The following KCNH7 variants were observed in gnomAD, a reference collection of about 807,000 sequenced individuals.
The protein encoded by KCNH7 is potassium voltage-gated channel subfamily H member 7.
A neutral mutation model predicts 120.8 loss-of-function variants in KCNH7; 49 were observed. That is an observed-to-expected ratio of 0.41 (90% CI 0.32 to 0.51). The LOEUF is 0.51. Among genes scored for constraint, KCNH7 ranks in the 20% least tolerant of loss-of-function variants. The pLI is 0.38. For synonymous variants in KCNH7, 547 were observed against 516.1 expected (o/e 1.06, Z -0.81); for missense variants, 1,097 against 1,446.6 (o/e 0.76, Z 3.92).
intron 5 of KCNH7, among the ~76,000 whole-genome samples, chr2:162,505,882 A>G (rs1690861147): frequency 6.6e-6 from 1 of 151,826 alleles, no homozygotes; most frequent in African/African-American, 2.4e-5. Context: ...TAAAAATTAG[A>G]CTTTAAGATT....
At chr2:162,729,161 A>ATT (rs1203109189) in intron 2 of KCNH7, among the ~76,000 whole-genome samples, 2,103 of 137,106 alleles carry the variant, frequency 0.015, 29 homozygotes, top group East Asian at 0.092. Flanking sequence ...AATATACCCA[A>ATT]ATTTTTTTTT....
chr2:162,399,809 C>G (rs1334048439), intron 10 of KCNH7, among the ~76,000 whole-genome samples: 2 of 151,808 alleles, frequency 1.3e-5, no homozygotes, highest in Non-Finnish European at 2.9e-5. Context: ...TTGGCACATG[C>G]TAGCAAGTAT....
rs755037684 is a variant in KCNH7, at chr2:162,517,744, C to T, written c.878G>A (p.Arg293Gln). The T allele has an allele frequency of 3.2e-6, 5 of 1,558,066 alleles. No homozygotes were observed. Among genetic ancestry groups the T allele is most frequent in the Non-Finnish European group, 3.5e-6 (4 of 1,145,444 alleles). Residue 293 changes from arginine (R) to glutamine (Q), a missense_variant, in exon 4 of 16, where the codon CGA becomes CAA. Around this residue, in one of 8 missense-constraint regions of KCNH7, gnomAD observed 362 missense variants for 372.2 expected, o/e 0.97. Coordinates refer to ENST00000332142, the MANE Select transcript of KCNH7 (RefSeq NM_033272.4). The stretch of plus-strand genomic sequence containing the variant: ...ATCAAACATACCTTCGCTGGCATGT[C>T]GGTCTCTAAATATGTTCTTGGGGTG... ...GVHPKNIFRD[R>Q]HASEDNGRNV...
At position 162,459,795 on chromosome 2, in the gene KCNH7, C is replaced by T. The variant is rs771670011; in HGVS notation, c.1129-13352G>A. 6.3e-4 allele frequency among the ~76,000 whole-genome samples: 96 copies of T among 152,052 alleles called. No individual in the cohort carries two copies. In the Middle Eastern group the frequency reaches 0.01, roughly 16 times the overall value. ...TTGCAAGGAAGGGTGGGGTGAATAG[C>T]GGTAAAGAAATGCAAAGAGGCCGGG... On this transcript the variant is annotated intron_variant, in intron 6 of 15. Transcript: ENST00000332142.
rs74987699 is a variant in KCNH7, at chr2:162,693,845, T to C, written c.307+142692A>G. On this transcript the variant is annotated intron_variant, in intron 2 of 15. Transcript: ENST00000332142. ...GAAACTTTCCTCATGTTAACAAATA[T>C]AGAAAAAAAGGAAGACTGGCCTCTA... Among the ~76,000 whole-genome samples, 29 of 151,828 alleles carry C rather than the reference T, an allele frequency of 1.9e-4. 1 individual carries two copies. In the East Asian group the frequency reaches 5.0e-3, roughly 26 times the overall value.
intron 9 of KCNH7, among the ~76,000 whole-genome samples, chr2:162,419,519 G>A (rs1272372712): frequency 2.0e-5 from 3 of 152,062 alleles, no homozygotes; most frequent in African/African-American, 7.2e-5. Flanking sequence ...TTGTCCAAGA[G>A]TAGTGGCAGA....
intron 6 of KCNH7, among the ~76,000 whole-genome samples, chr2:162,472,172 G>A (rs925060081): frequency 1.2e-4 from 19 of 152,192 alleles, no homozygotes; most frequent in Non-Finnish European, 2.2e-4. Flanking sequence ...CAGGACATAC[G>A]CATGGGCAAG....
At chr2:162,830,923 C>G (rs572586460) in intron 2 of KCNH7, among the ~76,000 whole-genome samples, 1 of 152,084 alleles carries the variant, frequency 6.6e-6, no homozygotes, top group African/African-American at 2.4e-5. Context: ...TATAAGTTAC[C>G]CGCTCTAAGG....
intron 2 of KCNH7, among the ~76,000 whole-genome samples, chr2:162,697,788 C>G (rs1686345979): frequency 6.6e-6 from 1 of 152,002 alleles, no homozygotes; most frequent in South Asian, 2.1e-4. Context: ...GCTAAAGTGA[C>G]TTAAGGAGTG....
Position 162,726,481 on chromosome 2 carries a change from G to A in KCNH7, c.307+110056C>T, listed in dbSNP as rs544820545. On this transcript the variant is annotated intron_variant, in intron 2 of 15. Coordinates refer to ENST00000332142, the MANE Select transcript of KCNH7 (RefSeq NM_033272.4). Reference sequence around the variant, plus strand: ...GTCTCCCAGACTGAAGTGCAGTGGCGCCATCTCGGCTCACTGTAACCCCCG... The same window carrying A: ...GTCTCCCAGACTGAAGTGCAGTGGCACCATCTCGGCTCACTGTAACCCCCG... 7.9e-5 allele frequency among the ~76,000 whole-genome samples: 12 copies of A among 152,186 alleles called. 1 individual carries two copies. The highest frequency in any genetic ancestry group is 5.2e-4 in the Admixed American group (8 of 15,288).
chr2:162,753,531 CT>C (rs1688682103), intron 2 of KCNH7, among the ~76,000 whole-genome samples: 1 of 152,044 alleles, frequency 6.6e-6, no homozygotes. Flanking sequence ...CTATTCTATC[CT>C]AATGGTGGTG....
intron 2 of KCNH7, among the ~76,000 whole-genome samples, chr2:162,562,860 T>C (rs1171726393): frequency 6.6e-6 from 1 of 152,174 alleles, no homozygotes; most frequent in Non-Finnish European, 1.5e-5. Context: ...ATCCATCTTT[T>C]GTATTGGGTG....
At chr2:162,527,345 G>A (rs1202867691) in intron 3 of KCNH7, among the ~76,000 whole-genome samples, 1 of 151,892 alleles carries the variant, frequency 6.6e-6, no homozygotes, top group Non-Finnish European at 1.5e-5. Context: ...TTACTGAATG[G>A]GAAACTATAT....
chr2:162,752,907 A>AAG (rs1688615458), intron 2 of KCNH7, among the ~76,000 whole-genome samples: 1 of 29,806 alleles, frequency 3.4e-5, no homozygotes, highest in African/African-American at 1.4e-4. Flanking sequence ...TCTCAGAAAA[A>AAG]GAAAAGAAAA....
At chr2:162,382,148 T>C (rs888951952) in intron 13 of KCNH7, among the ~76,000 whole-genome samples, 1 of 152,094 alleles carries the variant, frequency 6.6e-6, no homozygotes. Flanking sequence ...TATAATAAAT[T>C]GGTTTTTAAA....
chr2:162,751,112 G>A (rs1289390602), intron 2 of KCNH7, among the ~76,000 whole-genome samples: 2 of 152,028 alleles, frequency 1.3e-5, no homozygotes, highest in East Asian at 1.9e-4. Flanking sequence ...GTGATACTTA[G>A]GCTCATCAGA....
chr2:162,834,108 G>A (rs16847444), intron 2 of KCNH7, among the ~76,000 whole-genome samples: 8,324 of 152,058 alleles, frequency 0.055, 310 homozygotes, highest in South Asian at 0.11. Flanking sequence ...TTTTATAAAT[G>A]TAGAGTAGCT....
intron 2 of KCNH7, among the ~76,000 whole-genome samples, chr2:162,769,278 C>T (rs756550174): frequency 2.6e-5 from 4 of 152,036 alleles, no homozygotes; most frequent in Non-Finnish European, 4.4e-5. Context: ...AATTGTATTG[C>T]AAGCTCCCTA....
At chr2:162,775,903 G>A (rs1034568527) in intron 2 of KCNH7, among the ~76,000 whole-genome samples, 3 of 152,182 alleles carry the variant, frequency 2.0e-5, no homozygotes, top group East Asian at 1.9e-4. Context: ...CCTTGGCTCT[G>A]CTCTTTACTA....
Sources: gnomAD v4.1 joint callset for allele counts (sites outside exome capture counted in the v4.1 genomes callset) on GRCh38, gnomAD v4.1.1 for gene constraint, gnomAD v4.1.1 regional missense constraint, MANE v1.5 for transcripts, NCBI Gene and HGNC (gene_info 2026-07-23, HGNC 2026-07-21) for gene names.